Variants in ADCY8 observed in about 807,000 individuals in gnomAD.
ADCY8 encodes the protein adenylate cyclase 8.
A neutral mutation model predicts 119.7 loss-of-function variants in ADCY8; 51 were observed. The observed-to-expected ratio is 0.43, with a 90% CI of 0.34 to 0.54. The LOEUF (loss-of-function observed/expected upper bound fraction) is 0.54. Among genes scored for constraint, ADCY8 ranks in the 20% least tolerant of loss-of-function variants. The pLI is 0.03. For synonymous variants in ADCY8, 665 were observed against 651.0 expected, an observed-to-expected ratio of 1.02 and a Z score of -0.33; for missense variants, 1,383 against 1,598.8, an observed-to-expected ratio of 0.87 and a Z score of 2.30.
Position 131,030,247 on chromosome 8 carries a change from A to T in ADCY8, c.960+9127T>A, listed in dbSNP as rs542426414. On this transcript the variant is annotated intron_variant, in intron 1 of 17. Coordinates refer to ENST00000286355, the MANE Select transcript of ADCY8 (RefSeq NM_001115.3). ...TGACTATGAGTTCCCAGAGCTGCACATGCTCCCTCCTGTCATGTCTCCAGG... is the reference window on the plus strand; with the variant it reads ...TGACTATGAGTTCCCAGAGCTGCACTTGCTCCCTCCTGTCATGTCTCCAGG... Among the ~76,000 whole-genome samples the T allele has an allele frequency of 3.3e-5, 5 of 152,264 alleles. No homozygotes were observed. In the South Asian group the frequency reaches 6.2e-4, roughly 19 times the overall value.
chr8:130,876,738 G>A (rs1010347712), intron 8 of ADCY8, among the ~76,000 whole-genome samples: 1 of 151,952 alleles, frequency 6.6e-6, no homozygotes, highest in African/African-American at 2.4e-5. Context: ...AATGAATAGA[G>A]GATAAAAGAA....
At chr8:131,015,139 G>C (rs1483502910) in intron 1 of ADCY8, among the ~76,000 whole-genome samples, 1 of 152,116 alleles carries the variant, frequency 6.6e-6, no homozygotes, top group Admixed American at 6.6e-5. Context: ...TCTTCAATTT[G>C]GTGAGAGCAG....
intron 11 of ADCY8, among the ~76,000 whole-genome samples, chr8:130,846,247 C>G (rs1324835989): frequency 6.6e-6 from 1 of 152,088 alleles, no homozygotes; most frequent in East Asian, 1.9e-4. Context: ...GACATGTTAA[C>G]TGTTCTACTT....
At chr8:130,946,198 A>C (rs974919520) in intron 3 of ADCY8, among the ~76,000 whole-genome samples, 5 of 152,182 alleles carry the variant, frequency 3.3e-5, no homozygotes, top group African/African-American at 1.2e-4. Flanking sequence ...AATGACTACT[A>C]TACACCAGGC....
In ADCY8 at chr8:131,039,507, AAG is replaced by A; in HGVS notation, c.825_826del (p.Phe276HisfsTer120). The stretch of plus-strand genomic sequence containing the variant: ...CATACTGTAGGTGGCGAAGAGCGTG[AAG>A]AGCACGTAGCCTATGCCGTCGCCCA... On this transcript the variant is annotated frameshift_variant, in exon 1 of 18. Coordinates refer to ENST00000286355, the MANE Select transcript of ADCY8 (RefSeq NM_001115.3). LOFTEE classifies it high-confidence loss of function. The A allele has an allele frequency of 6.2e-7, 1 of 1,614,026 alleles. No homozygotes were observed. The highest frequency in any genetic ancestry group is 8.5e-7 in the Non-Finnish European group (1 of 1,180,038).
At chr8:130,786,608 A>G (rs1815255567) in intron 15 of ADCY8, among the ~76,000 whole-genome samples, 1 of 152,252 alleles carries the variant, frequency 6.6e-6, no homozygotes, top group Non-Finnish European at 1.5e-5. Context: ...TTACAGCAGC[A>G]GTAGGAAATT....
chr8:131,002,201 A>G (rs776306891), intron 1 of ADCY8, among the ~76,000 whole-genome samples: 5 of 152,278 alleles, frequency 3.3e-5, no homozygotes, highest in Non-Finnish European at 7.3e-5. Flanking sequence ...CAATGAAATT[A>G]GCAGAAGACC....
At chr8:130,987,109 T>C (rs1350555457) in intron 2 of ADCY8, among the ~76,000 whole-genome samples, 1 of 152,198 alleles carries the variant, frequency 6.6e-6, no homozygotes, top group Non-Finnish European at 1.5e-5. Context: ...AATGAATGAA[T>C]GATCATGGGA....
chr8:130,908,290 G>T (rs7843127), intron 6 of ADCY8, among the ~76,000 whole-genome samples: 50,246 of 152,110 alleles, frequency 0.33, 9,259 homozygotes, highest in East Asian at 0.57. Flanking sequence ...TAAGATACAG[G>T]CCTGGAAACA....
chr8:130,810,970 T>A (rs562900750), intron 14 of ADCY8, among the ~76,000 whole-genome samples: 1 of 152,188 alleles, frequency 6.6e-6, no homozygotes, highest in Non-Finnish European at 1.5e-5. Context: ...TTCTCATTTC[T>A]CTTTGGATTT....
At position 130,933,102 on chromosome 8, in the gene ADCY8, G is replaced by A. The variant is rs145021705; in HGVS notation, c.1481+3971C>T. Among the ~76,000 whole-genome samples the A allele has an allele frequency of 8.9e-4, 135 of 152,304 alleles. 4 individuals are homozygous for A. The highest frequency in any genetic ancestry group is 3.2e-3 in the African/African-American group (131 of 41,568). ...GAGAAAATGCCAGAAATAGGGACAA[G>A]GAGAGCTGCTGAAAGGGAAAGACAA... On this transcript the variant is annotated intron_variant, in intron 5 of 17. Coordinates refer to ENST00000286355, the MANE Select transcript of ADCY8 (RefSeq NM_001115.3).
intron 1 of ADCY8, among the ~76,000 whole-genome samples, chr8:131,028,308 G>A (rs1456921695): frequency 6.6e-6 from 1 of 152,240 alleles, no homozygotes. Context: ...CCAAAGAGCT[G>A]CGTATCATGT....
chr8:130,804,404 T>G (rs892369106), intron 14 of ADCY8, among the ~76,000 whole-genome samples: 1 of 152,218 alleles, frequency 6.6e-6, no homozygotes, highest in African/African-American at 2.4e-5. Flanking sequence ...TAGGTCCCCC[T>G]AATGACCTCA....
chr8:130,882,584 T>C (rs1312946083), intron 8 of ADCY8, among the ~76,000 whole-genome samples: 1 of 152,158 alleles, frequency 6.6e-6, no homozygotes, highest in Non-Finnish European at 1.5e-5. Flanking sequence ...GGCATCATGG[T>C]AGGCTCAGAT....
chr8:130,854,448 T>C (rs1817640431), intron 9 of ADCY8, among the ~76,000 whole-genome samples: 1 of 152,234 alleles, frequency 6.6e-6, no homozygotes, highest in African/African-American at 2.4e-5. Context: ...GAACAGCCTA[T>C]AGCAGCTTGT....
rs1441189650 is a variant in ADCY8 at position 130,909,882 on chromosome 8, A to T, written c.1482-16T>A. 1 of 1,613,058 alleles carries T rather than the reference A, an allele frequency of 6.2e-7. No homozygotes were observed. The highest frequency in any genetic ancestry group is 1.3e-5 in the African/African-American group (1 of 74,840). On this transcript the variant is annotated splice_polypyrimidine_tract_variant and intron_variant, in intron 5 of 17. Coordinates refer to ENST00000286355, the MANE Select transcript of ADCY8 (RefSeq NM_001115.3). ...CCGCACATACCTGTTGACATAGGTA[A>T]ATGGAGAGACACATGTATAAGACCA...
chr8:130,987,295 T>C lies in ADCY8; in HGVS notation c.1110+3098A>G, dbSNP rs530767356. 2.0e-5 allele frequency among the ~76,000 whole-genome samples: 3 copies of C among 152,254 alleles called. No homozygotes were observed. In the South Asian group the frequency reaches 6.2e-4, roughly 32 times the overall value. On this transcript the variant is annotated intron_variant, in intron 2 of 17. Transcript: ENST00000286355. ...CCTTCTGCAAGCCTCCAGGTTAGGT[T>C]TGACCCATACACTATTGCCATACAT...
chr8:131,024,548 C>T (rs894332617), intron 1 of ADCY8, among the ~76,000 whole-genome samples: 3 of 152,064 alleles, frequency 2.0e-5, no homozygotes, highest in South Asian at 2.1e-4. Context: ...AATCATGGCT[C>T]GGTAATACTT....
At chr8:130,834,005 A>G (rs1055891012) in intron 12 of ADCY8, among the ~76,000 whole-genome samples, 5 of 152,184 alleles carry the variant, frequency 3.3e-5, no homozygotes, top group Admixed American at 6.6e-5. Flanking sequence ...GCTAATAGCA[A>G]TGTATTGTAT....
Sources: allele counts gnomAD v4.1 joint callset (sites outside exome capture counted in the v4.1 genomes callset), GRCh38; gene constraint gnomAD v4.1.1; transcripts MANE v1.5; gene names NCBI Gene and HGNC (gene_info 2026-07-23, HGNC 2026-07-21).